The following ZBTB20 variants were observed in gnomAD, a reference collection of about 807,000 sequenced individuals.
ZBTB20 encodes zinc finger and BTB domain-containing protein 20.
In ZBTB20, 9 loss-of-function variants were observed where a neutral mutation model predicts 56.9. The ratio of observed to expected loss-of-function variants is 0.16; its 90% confidence interval spans 0.10 to 0.28. ZBTB20 has a LOEUF of 0.28. ZBTB20 is among the 10% of genes least tolerant of loss of function. The pLI is 1.00. For synonymous variants in ZBTB20, 417 were observed against 420.7 expected (o/e 0.99, Z 0.11); for missense variants, 655 against 1,003.0 (o/e 0.65, Z 4.69).
intron 10 of ZBTB20, among the ~76,000 whole-genome samples, chr3:114,369,198 C>T (rs2082731062): frequency 6.6e-6 from 1 of 152,158 alleles, no homozygotes. Context: ...AATTCAGTTA[C>T]TGCTTTTTGA....
intron 10 of ZBTB20, among the ~76,000 whole-genome samples, chr3:114,373,363 CA>C (rs1204407901): frequency 6.6e-6 from 1 of 152,136 alleles, no homozygotes; most frequent in Non-Finnish European, 1.5e-5. Context: ...TGAATTATAA[CA>C]ATAGACAATG....
At chr3:114,550,217 C>T (rs1375326042) in intron 6 of ZBTB20, among the ~76,000 whole-genome samples, 1 of 152,218 alleles carries the variant, frequency 6.6e-6, no homozygotes, top group East Asian at 1.9e-4. Context: ...GAATTACAGG[C>T]ATGAGCCACT....
At chr3:114,613,784 T>C (rs1467989721) in intron 6 of ZBTB20, among the ~76,000 whole-genome samples, 1 of 152,118 alleles carries the variant, frequency 6.6e-6, no homozygotes, top group East Asian at 1.9e-4. Context: ...TCTGTGCATG[T>C]AGGTTTTTTT....
intron 7 of ZBTB20, among the ~76,000 whole-genome samples, chr3:114,418,506 T>G (rs1384814315): frequency 1.3e-5 from 2 of 151,802 alleles, no homozygotes; most frequent in African/African-American, 4.8e-5. Flanking sequence ...GAAACTAGCC[T>G]TATCATAAGA....
chr3:114,440,660 C>T (rs965704092), intron 7 of ZBTB20, among the ~76,000 whole-genome samples: 1 of 152,156 alleles, frequency 6.6e-6, no homozygotes, highest in African/African-American at 2.4e-5. Context: ...GGATAGATAA[C>T]GCTGGGACAG....
chr3:114,874,253 A>G (rs952885396), intron 4 of ZBTB20: 1 of 152,228 alleles, frequency 6.6e-6, no homozygotes, highest in African/African-American at 2.4e-5. Flanking sequence ...AAAAAAATGA[A>G]TATTCACTAA....
Position 114,802,183 on chromosome 3 carries a change from G to A in ZBTB20, c.-416-1009C>T, listed in dbSNP as rs139543891. 1.3e-4 allele frequency among the ~76,000 whole-genome samples: 19 copies of A among 151,808 alleles called. 1 individual carries two copies. In the East Asian group the frequency reaches 1.9e-3, roughly 15 times the overall value. ...AATTCGCTTTCATTCACTTTACAGC[G>A]TGGCAGAATACTTTCTATATATTTA... On this transcript the variant is annotated intron_variant, in intron 4 of 11. Transcript: ENST00000675478.
chr3:114,664,343 A>T (rs1303163688), intron 6 of ZBTB20, among the ~76,000 whole-genome samples: 3 of 152,056 alleles, frequency 2.0e-5, no homozygotes, highest in African/African-American at 7.2e-5. Context: ...ATTAGGATTA[A>T]TGCTGGTAAC....
chr3:114,723,869 C>G (rs796413889), intron 5 of ZBTB20, among the ~76,000 whole-genome samples: 4 of 151,908 alleles, frequency 2.6e-5, no homozygotes, highest in African/African-American at 9.6e-5. Context: ...TTCTTTCCTT[C>G]TTTTCTTTTT....
chr3:114,730,791 A>G (rs2065679272), intron 5 of ZBTB20, among the ~76,000 whole-genome samples: 1 of 152,178 alleles, frequency 6.6e-6, no homozygotes, highest in South Asian at 2.1e-4. Context: ...TGGTAGGCCT[A>G]CAGACTGATA....
intron 2 of ZBTB20, among the ~76,000 whole-genome samples, chr3:114,979,953 A>G (rs558663191): frequency 6.6e-6 from 1 of 152,178 alleles, no homozygotes; most frequent in East Asian, 1.9e-4. Context: ...GTCAAATTCC[A>G]TGGAGCTGGA....
intron 6 of ZBTB20, among the ~76,000 whole-genome samples, chr3:114,617,346 A>G (rs2058010991): frequency 6.6e-6 from 1 of 151,886 alleles, no homozygotes; most frequent in South Asian, 2.1e-4. Context: ...TGGCTCCCTT[A>G]CTGAATGTTC....
At chr3:115,097,233 C>G (rs548884128) in intron 1 of ZBTB20, among the ~76,000 whole-genome samples, 37 of 152,314 alleles carry the variant, frequency 2.4e-4, no homozygotes, top group African/African-American at 8.7e-4. Context: ...GGCTGCAGTG[C>G]AGTGGCACGA....
chr3:114,380,416 C>T lies in ZBTB20; in HGVS notation c.12-12G>A. ...TCTTGGGTTTCTTCCTGAAAATAAACAAAGGGCCCTTTGAAGGAACTGACT... is the reference window on the plus strand; with the variant it reads ...TCTTGGGTTTCTTCCTGAAAATAAATAAAGGGCCCTTTGAAGGAACTGACT... On this transcript the variant is annotated splice_polypyrimidine_tract_variant and intron_variant, in intron 9 of 11. Transcript: ENST00000675478. 1.3e-6 allele frequency: 2 copies of T among 1,514,186 alleles called. No homozygotes were observed. Among genetic ancestry groups the T allele is most frequent in the Non-Finnish European group, 1.8e-6 (2 of 1,135,620 alleles). 93.8% of individuals were successfully genotyped at this position (1,514,186 alleles called of 1,614,324 possible).
At chr3:114,397,575 C>CT (rs11354826) in intron 7 of ZBTB20, among the ~76,000 whole-genome samples, 30 of 145,620 alleles carry the variant, frequency 2.1e-4, no homozygotes, top group East Asian at 4.0e-4. Flanking sequence ...CACCACATAC[C>CT]TTTTTTTTTT....
At position 114,438,436 on chromosome 3, in the gene ZBTB20, C is replaced by CAAAA. The variant is rs10689914; in HGVS notation, c.-254-49335_-254-49332dup. 8.0e-4 allele frequency among the ~76,000 whole-genome samples: 113 copies of CAAAA among 140,730 alleles called. 1 individual carries two copies. The highest frequency in any genetic ancestry group is 2.7e-3 in the African/African-American group (104 of 38,736). The allele number at this position is 140,730 out of a possible 152,430, so 92.3% of individuals were successfully genotyped here. On this transcript the variant is annotated intron_variant, in intron 7 of 11. Coordinates refer to ENST00000675478, the MANE Select transcript of ZBTB20 (RefSeq NM_001348800.3). ...CTTGCCAAAAAAAAACAAAAAAAAC[C>CAAAA]AAAAAAAAACAAAACAAAACTTGGC...
Position 114,753,432 on chromosome 3 carries a change from T to TATATATATATATACAC in ZBTB20, c.-343+47668_-343+47669insGTGTATATATATATAT, listed in dbSNP as rs1205435166. Among the ~76,000 whole-genome samples, 53 of 43,526 alleles carry TATATATATATATACAC rather than the reference T, an allele frequency of 1.2e-3. 4 individuals carry two copies. Among genetic ancestry groups the TATATATATATATACAC allele is most frequent in the African/African-American group, 3.9e-3 (51 of 12,970 alleles). The allele number at this position is 43,526 out of a possible 152,430, so 28.6% of individuals were successfully genotyped here. A position where few individuals can be genotyped will look rare whatever the true frequency, so the allele number is the denominator to read the frequency against. On this transcript the variant is annotated intron_variant, in intron 5 of 11. Coordinates refer to ENST00000675478, the MANE Select transcript of ZBTB20 (RefSeq NM_001348800.3). Reference sequence around the variant, plus strand: ...ACACACGTATATATATATATATATATACACACACACTTTTTTTTTTGAGAC... The same window carrying TATATATATATATACAC: ...ACACACGTATATATATATATATATATATATATATATATACACACACACACACTTTTTTTTTTGAGAC...
At chr3:115,115,971 CATT>C (rs1166808980) in intron 1 of ZBTB20, among the ~76,000 whole-genome samples, 1 of 151,984 alleles carries the variant, frequency 6.6e-6, no homozygotes, top group Admixed American at 6.5e-5. Flanking sequence ...GCTAAATCAT[CATT>C]GTTCTTACTT....
intron 3 of ZBTB20, among the ~76,000 whole-genome samples, chr3:114,933,845 T>C (rs1330707257): frequency 6.6e-6 from 1 of 152,208 alleles, no homozygotes. Flanking sequence ...TTCCCACTTT[T>C]ATTAAATCTT....
Sources: allele counts gnomAD v4.1 joint callset (sites outside exome capture counted in the v4.1 genomes callset), GRCh38; gene constraint gnomAD v4.1.1; transcripts MANE v1.5; gene names NCBI Gene and HGNC (gene_info 2026-07-23, HGNC 2026-07-21).